CCDC85A: variants seen among roughly 807,000 people sequenced by gnomAD.
The protein encoded by CCDC85A is coiled-coil domain containing 85A.
In CCDC85A, 38 loss-of-function variants were observed where a neutral mutation model predicts 50.2. The observed-to-expected ratio is 0.76, with a 90% CI of 0.58 to 0.99. The LOEUF (loss-of-function observed/expected upper bound fraction) is 0.99. Among genes scored for constraint, CCDC85A ranks in the 50% least tolerant of loss-of-function variants. CCDC85A has a pLI of 0.00. For synonymous variants in CCDC85A, 366 were observed against 301.4 expected (o/e 1.21, Z -2.22); for missense variants, 820 against 742.0 (o/e 1.11, Z -1.22).
intron 2 of CCDC85A, among the ~76,000 whole-genome samples, chr2:56,306,137 C>A (rs1209667608): frequency 6.6e-6 from 1 of 151,842 alleles, no homozygotes; most frequent in Non-Finnish European, 1.5e-5. Flanking sequence ...TGTATGAGAT[C>A]CTTTTTTTTG....
At chr2:56,336,967 C>T (rs1019935474) in intron 2 of CCDC85A, among the ~76,000 whole-genome samples, 2 of 152,102 alleles carry the variant, frequency 1.3e-5, no homozygotes, top group African/African-American at 2.4e-5. Flanking sequence ...ATGTGGTGCT[C>T]GAGTAATGAA....
intron 2 of CCDC85A, among the ~76,000 whole-genome samples, chr2:56,271,774 C>G (rs1214645766): frequency 6.6e-6 from 1 of 152,140 alleles, no homozygotes; most frequent in African/African-American, 2.4e-5. Context: ...GGTCAGGAAG[C>G]TAAGTCAAGT....
intron 2 of CCDC85A, among the ~76,000 whole-genome samples, chr2:56,260,754 G>A (rs1320310113): frequency 6.6e-6 from 1 of 152,142 alleles, no homozygotes; most frequent in East Asian, 1.9e-4. Flanking sequence ...ACCTTGTTCA[G>A]GTTATTACTT....
At chr2:56,232,774 C>T (rs1668830180) in intron 2 of CCDC85A, among the ~76,000 whole-genome samples, 1 of 152,188 alleles carries the variant, frequency 6.6e-6, no homozygotes, top group South Asian at 2.1e-4. Context: ...ATTTCTCCAT[C>T]TTTATTATAA....
intron 2 of CCDC85A, among the ~76,000 whole-genome samples, chr2:56,334,668 G>C (rs909996267): frequency 1.3e-5 from 2 of 152,180 alleles, no homozygotes; most frequent in Admixed American, 1.3e-4. Context: ...CCAACAACAA[G>C]AGCACATTAT....
intron 2 of CCDC85A, among the ~76,000 whole-genome samples, chr2:56,283,087 A>G (rs1449228172): frequency 1.3e-5 from 2 of 152,142 alleles, no homozygotes; most frequent in Non-Finnish European, 2.9e-5. Flanking sequence ...ACAATCATGT[A>G]TCTGCAAATA....
chr2:56,184,919 G>T lies in CCDC85A; in HGVS notation c.276+19G>T. ...CCTCAAGGTGAGCGCGGGCCAGGTGGGGAGGCGCGGCGCGGCTGGGAGCGG... is the reference window on the plus strand; with the variant it reads ...CCTCAAGGTGAGCGCGGGCCAGGTGTGGAGGCGCGGCGCGGCTGGGAGCGG... On this transcript the variant is annotated intron_variant, in intron 1 of 5. Coordinates refer to ENST00000407595, the MANE Select transcript of CCDC85A (RefSeq NM_001080433.2). The T allele has an allele frequency of 6.8e-7, 1 of 1,462,592 alleles. No individual in the cohort carries two copies. Among genetic ancestry groups the T allele is most frequent in the Non-Finnish European group, 9.0e-7 (1 of 1,112,116 alleles). The allele number at this position is 1,462,592 out of a possible 1,614,324, so 90.6% of individuals were successfully genotyped here.
At chr2:56,273,391 C>T (rs1670782621) in intron 2 of CCDC85A, among the ~76,000 whole-genome samples, 1 of 151,672 alleles carries the variant, frequency 6.6e-6, no homozygotes. Flanking sequence ...TGCAGTATTC[C>T]AATGATGGGA....
At chr2:56,213,639 A>G (rs1305095918) in intron 2 of CCDC85A, among the ~76,000 whole-genome samples, 3 of 151,946 alleles carry the variant, frequency 2.0e-5, no homozygotes, top group African/African-American at 7.2e-5. Context: ...CCAAACAGAG[A>G]TTGAACTGCC....
intron 2 of CCDC85A, among the ~76,000 whole-genome samples, chr2:56,224,339 C>T (rs938383210): frequency 1.2e-4 from 18 of 152,118 alleles, no homozygotes; most frequent in Non-Finnish European, 1.6e-4. Context: ...ATGCATATAC[C>T]GCATTTGAAA....
At chr2:56,323,743 A>G (rs929711522) in intron 2 of CCDC85A, among the ~76,000 whole-genome samples, 7 of 152,078 alleles carry the variant, frequency 4.6e-5, no homozygotes, top group Non-Finnish European at 8.8e-5. Context: ...CTTCAGACTT[A>G]TTATGTGTAC....
At chr2:56,247,120 C>T (rs1669545963) in intron 2 of CCDC85A, among the ~76,000 whole-genome samples, 1 of 152,132 alleles carries the variant, frequency 6.6e-6, no homozygotes, top group African/African-American at 2.4e-5. Flanking sequence ...CAGGTTCTGC[C>T]CAGGAACCAA....
intron 3 of CCDC85A, among the ~76,000 whole-genome samples, chr2:56,367,578 T>C (rs1172098404): frequency 6.6e-6 from 1 of 152,134 alleles, no homozygotes; most frequent in Non-Finnish European, 1.5e-5. Context: ...GTCCAGTGCA[T>C]TTTAAGATAT....
At chr2:56,188,960 T>A (rs925497312) in intron 1 of CCDC85A, among the ~76,000 whole-genome samples, 1 of 152,120 alleles carries the variant, frequency 6.6e-6, no homozygotes, top group Non-Finnish European at 1.5e-5. Context: ...GGAGAAAAAA[T>A]TGATGTCTAG....
intron 3 of CCDC85A, among the ~76,000 whole-genome samples, chr2:56,368,104 T>A (rs1281613138): frequency 6.6e-6 from 1 of 152,226 alleles, no homozygotes; most frequent in Non-Finnish European, 1.5e-5. Flanking sequence ...TGGCATTGCA[T>A]GCAATATCAC....
At chr2:56,230,540 G>A (rs986195323) in intron 2 of CCDC85A, among the ~76,000 whole-genome samples, 8 of 152,158 alleles carry the variant, frequency 5.3e-5, no homozygotes, top group Non-Finnish European at 8.8e-5. Context: ...TGTTGGAAAT[G>A]TGCTTTTAAA....
intron 3 of CCDC85A, among the ~76,000 whole-genome samples, chr2:56,354,134 A>G (rs1201310186): frequency 6.6e-6 from 1 of 152,266 alleles, no homozygotes; most frequent in Non-Finnish European, 1.5e-5. Flanking sequence ...CACAGAGGGA[A>G]TTTAAATAAT....
At chr2:56,329,782 A>G (rs1398360340) in intron 2 of CCDC85A, among the ~76,000 whole-genome samples, 1 of 152,094 alleles carries the variant, frequency 6.6e-6, no homozygotes, top group Non-Finnish European at 1.5e-5. Flanking sequence ...ATAATTTGAT[A>G]AAAATTATTT....
chr2:56,384,231 A>G (rs1573385117), intron 5 of CCDC85A, 35 bp from the exon 6 acceptor site: 1 of 1,579,432 alleles, frequency 6.3e-7, no homozygotes, highest in Non-Finnish European at 8.7e-7. Flanking sequence ...GAAAGAGGAA[A>G]AGTAAGATAC....
Sources: allele counts gnomAD v4.1 joint callset (sites outside exome capture counted in the v4.1 genomes callset), GRCh38; gene constraint gnomAD v4.1.1; transcripts MANE v1.5; gene names NCBI Gene and HGNC (gene_info 2026-07-23, HGNC 2026-07-21).